Variants in EBI3 observed in about 807,000 individuals in gnomAD.
EBI3 encodes the protein Epstein-Barr virus induced 3, also known as interleukin-27 subunit beta.
EBI3 carries 19 observed loss-of-function variants against 21.3 expected under a neutral mutation model. The ratio of observed to expected loss-of-function variants is 0.89; its 90% CI spans 0.62 to 1.31. The LOEUF is 1.31. Among genes scored for constraint, EBI3 ranks in the 50% most tolerant of loss-of-function variants. EBI3 has a pLI of 0.00. For synonymous variants in EBI3, 154 were observed against 131.2 expected, an observed-to-expected ratio of 1.17 and a Z score of -1.19; for missense variants, 331 against 314.0, an observed-to-expected ratio of 1.05 and a Z score of -0.41.
intron 2 of EBI3, among the ~76,000 whole-genome samples, chr19:4,232,543 C>CT (rs781154971): frequency 1.3e-5 from 1 of 75,318 alleles, no homozygotes; most frequent in Admixed American, 1.3e-4. Context: ...CATACTGAGA[C>CT]CCCCCCCCAT....
intron 3 of EBI3, 127 bp downstream of exon 3, chr19:4,233,434 T>C: frequency 1.8e-6 from 2 of 1,081,276 alleles, no homozygotes; most frequent in South Asian, 1.6e-5. Flanking sequence ...ATCTGACCCC[T>C]TCTTCCCCCT....
At chr19:4,232,805 A>AATGGATGG (rs1970800643) in intron 2 of EBI3, among the ~76,000 whole-genome samples, 1 of 132,230 alleles carries the variant, frequency 7.6e-6, no homozygotes, top group South Asian at 4.2e-4. Flanking sequence ...TGAATTAATG[A>AATGGATGG]ATGAATGAAC....
In EBI3 at chr19:4,233,186, C is replaced by A. The variant is rs1206912044; in HGVS notation, c.258C>A (p.Ser86=). ...CCTGCCTGCAGCAGACGCCAACGTC[C>A]ACCAGCTGCACCATCACGGATGTCC... The part of the protein sequence containing the change: ...SWPCLQQTPT[S]TSCTITDVQL... Residue 86 remains serine, a synonymous_variant, in exon 3 of 5, where the codon TCC becomes TCA. Transcript: ENST00000221847. 6.2e-7 allele frequency: 1 copy of A among 1,610,782 alleles called. No homozygotes were observed. The highest frequency in any genetic ancestry group is 8.5e-7 in the Non-Finnish European group (1 of 1,179,838).
intron 3 of EBI3, among the ~76,000 whole-genome samples, chr19:4,233,980 C>T (rs575134824): frequency 3.3e-5 from 5 of 151,890 alleles, no homozygotes; most frequent in African/African-American, 4.8e-5. Context: ...TGAGGCAGGC[C>T]GATCACCTGA....
intron 3 of EBI3, 60 bp from the exon 4 acceptor site, chr19:4,234,607 G>C: frequency 1.3e-6 from 2 of 1,565,818 alleles, no homozygotes; most frequent in Non-Finnish European, 1.7e-6. Context: ...GAATGAATGA[G>C]TGAATGAATG....
chr19:4,231,073 TA>T, intron 1 of EBI3, 117 bp from the exon 2 acceptor site: 1 of 1,346,900 alleles, frequency 7.4e-7, no homozygotes, highest in South Asian at 1.8e-5. Context: ...CGAAAGCCTT[TA>T]TTAGGCACCT....
At chr19:4,236,579 G>A (rs1237055951) in intron 4 of EBI3, among the ~76,000 whole-genome samples, 3 of 146,076 alleles carry the variant, frequency 2.1e-5, no homozygotes, top group Non-Finnish European at 3.0e-5. Flanking sequence ...GGTAAAGGGA[G>A]GTATGGGGTC....
chr19:4,236,504 G>C (rs1970838252), intron 4 of EBI3, among the ~76,000 whole-genome samples: 1 of 75,362 alleles, frequency 1.3e-5, no homozygotes, highest in Non-Finnish European at 2.3e-5. Flanking sequence ...CTGGGCAACA[G>C]AGTAAGACTG....
At chr19:4,235,807 T>C (rs545527315) in intron 4 of EBI3, among the ~76,000 whole-genome samples, 1 of 152,228 alleles carries the variant, frequency 6.6e-6, no homozygotes, top group Admixed American at 6.5e-5. Flanking sequence ...CACACACCTG[T>C]ACCCCCAGTT....
At chr19:4,236,315 C>T (rs997520345) in intron 4 of EBI3, among the ~76,000 whole-genome samples, 1 of 151,318 alleles carries the variant, frequency 6.6e-6, no homozygotes, top group Non-Finnish European at 1.5e-5. Flanking sequence ...GATCATGCCA[C>T]TGCACTCCAG....
At chr19:4,235,328 T>C (rs1418840753) in intron 4 of EBI3, among the ~76,000 whole-genome samples, 1 of 150,740 alleles carries the variant, frequency 6.6e-6, no homozygotes, top group Admixed American at 6.6e-5. Flanking sequence ...ACTTTATTGA[T>C]TGATTGATTG....
intron 1 of EBI3, among the ~76,000 whole-genome samples, chr19:4,230,757 G>T (rs896262196): frequency 3.3e-5 from 5 of 151,984 alleles, no homozygotes; most frequent in African/African-American, 4.8e-5. Flanking sequence ...GGCAGTACAT[G>T]CCTGTAATCC....
intron 4 of EBI3, 32 bp from the exon 5 acceptor site, chr19:4,236,904 T>C: frequency 6.8e-7 from 1 of 1,473,100 alleles, no homozygotes; most frequent in Non-Finnish European, 9.0e-7. Flanking sequence ...CATCTTCTGG[T>C]TCTAGTGACC....
intron 3 of EBI3, 92 bp from the exon 4 acceptor site, chr19:4,234,571 CAAAA>C: frequency 6.6e-7 from 1 of 1,512,864 alleles, no homozygotes; most frequent in Admixed American, 2.1e-5. Context: ...TCAAAACAAA[CAAAA>C]TATATACATA....
intron 3 of EBI3, among the ~76,000 whole-genome samples, chr19:4,234,073 G>T (rs1437489333): frequency 2.0e-5 from 3 of 152,188 alleles, no homozygotes. Context: ...GGGCATAGTG[G>T]CAGGTGCCTG....
chr19:4,230,112 T>C (rs7254021), intron 1 of EBI3, among the ~76,000 whole-genome samples: 30,843 of 151,892 alleles, frequency 0.2, 3,439 homozygotes, highest in African/African-American at 0.28. Context: ...TTAGTAGAGA[T>C]AGGGTTTTAC....
At chr19:4,235,478 G>A (rs556270582) in intron 4 of EBI3, among the ~76,000 whole-genome samples, 9 of 151,854 alleles carry the variant, frequency 5.9e-5, no homozygotes, top group African/African-American at 1.9e-4. Flanking sequence ...CACCACGCCC[G>A]GCTAATTTCT....
intron 2 of EBI3, among the ~76,000 whole-genome samples, chr19:4,232,856 G>A (rs1339155215): frequency 1.3e-5 from 2 of 152,178 alleles, no homozygotes; most frequent in African/African-American, 2.4e-5. Flanking sequence ...ATGAATGAAT[G>A]CTGACATCCC....
intron 3 of EBI3, 93 bp downstream of exon 3, chr19:4,233,400 C>G (rs985221223): frequency 2.2e-4 from 316 of 1,410,610 alleles, no homozygotes; most frequent in Non-Finnish European, 2.8e-4. Flanking sequence ...AGTCCTGCGG[C>G]TGCACCTTCA....
Sources: allele counts gnomAD v4.1 joint callset (sites outside exome capture counted in the v4.1 genomes callset), GRCh38; gene constraint gnomAD v4.1.1; transcripts MANE v1.5; gene names NCBI Gene and HGNC (gene_info 2026-07-23, HGNC 2026-07-21).